Variants in CALN1 observed in about 807,000 individuals in gnomAD.
The protein encoded by CALN1 is calneuron 1.
Under a neutral mutation model 30.6 loss-of-function variants are expected in CALN1, and 17 were observed. That is an observed-to-expected ratio of 0.56 (90% CI 0.38 to 0.83). The LOEUF is 0.83. CALN1 is among the 40% of genes least tolerant of loss of function. CALN1 has a pLI of 0.00. For synonymous variants in CALN1, 156 were observed against 131.4 expected (o/e 1.19, Z -1.28); for missense variants, 291 against 354.9 (o/e 0.82, Z 1.45).
chr7:72,398,963 G>C (rs1806159466), intron 2 of CALN1, among the ~76,000 whole-genome samples: 1 of 152,148 alleles, frequency 6.6e-6, no homozygotes, highest in African/African-American at 2.4e-5. Context: ...TGTCCTTTCA[G>C]ACCTCCATGC....
chr7:71,965,121 G>A (rs1268815984), intron 5 of CALN1, among the ~76,000 whole-genome samples: 1 of 152,130 alleles, frequency 6.6e-6, no homozygotes, highest in African/African-American at 2.4e-5. Context: ...TCTACCTCTT[G>A]TGTTCAAGTC....
At chr7:72,173,030 T>C (rs976467964) in intron 3 of CALN1, among the ~76,000 whole-genome samples, 4 of 152,166 alleles carry the variant, frequency 2.6e-5, no homozygotes, top group Non-Finnish European at 4.4e-5. Flanking sequence ...AAATGATCTC[T>C]TATTTGCAGA....
At chr7:72,211,645 T>C (rs751828517) in intron 3 of CALN1, among the ~76,000 whole-genome samples, 1 of 152,346 alleles carries the variant, frequency 6.6e-6, no homozygotes, top group East Asian at 1.9e-4. Flanking sequence ...GAATGTTCTA[T>C]GAATGTTAGC....
chr7:72,018,657 C>T (rs2129529862), intron 5 of CALN1, among the ~76,000 whole-genome samples: 1 of 152,228 alleles, frequency 6.6e-6, no homozygotes, highest in African/African-American at 2.4e-5. Flanking sequence ...GCATTTGTAG[C>T]CAACTATATT....
At chr7:71,880,787 T>C (rs1226419673) in intron 5 of CALN1, among the ~76,000 whole-genome samples, 1 of 152,222 alleles carries the variant, frequency 6.6e-6, no homozygotes, top group Admixed American at 6.5e-5. Flanking sequence ...ATTCCACAGT[T>C]GCTCCAGTTA....
the CALN1 span, among the ~76,000 whole-genome samples, chr7:72,497,564 C>T: frequency 6.6e-6 from 1 of 152,204 alleles, no homozygotes; most frequent in Non-Finnish European, 1.5e-5. Flanking sequence ...GATTAGGAAG[C>T]ACATGCTAGG....
chr7:72,420,966 T>C (rs374843538), intron 1 of CALN1, among the ~76,000 whole-genome samples: 82 of 152,248 alleles, frequency 5.4e-4, no homozygotes, highest in African/African-American at 1.9e-3. Flanking sequence ...TAATAACTTC[T>C]TTCCTTTTGG....
chr7:72,306,857 C>T (rs1011596013), intron 2 of CALN1, among the ~76,000 whole-genome samples: 2 of 152,142 alleles, frequency 1.3e-5, no homozygotes, highest in South Asian at 2.1e-4. Context: ...TGTCTCGGGC[C>T]ATGGTCACTC....
the CALN1 span, among the ~76,000 whole-genome samples, chr7:72,487,717 G>GAAAAT: frequency 1.6e-5 from 1 of 64,358 alleles, no homozygotes; most frequent in African/African-American, 9.4e-5. Flanking sequence ...GAAAAGAAAA[G>GAAAAT]AAAGAAAGAA....
chr7:71,942,723 G>A lies in CALN1; in HGVS notation c.501+80934C>T, dbSNP rs78617847. ...AGATCTTAAAAGCATAATGTAGAAT[G>A]AAGAAGGTATGATATAGAAGGGTAT... On this transcript the variant is annotated intron_variant, in intron 5 of 6. Coordinates refer to ENST00000395275, the MANE Select transcript of CALN1 (RefSeq NM_031468.4). Among the ~76,000 whole-genome samples the A allele has an allele frequency of 2.4e-3, 358 of 152,256 alleles. 1 individual carries two copies. Among genetic ancestry groups the A allele is most frequent in the African/African-American group, 8.3e-3 (345 of 41,544 alleles).
chr7:71,852,460 G>C (rs1266530559), intron 5 of CALN1, among the ~76,000 whole-genome samples: 2 of 133,810 alleles, frequency 1.5e-5, no homozygotes, highest in Non-Finnish European at 3.0e-5. Flanking sequence ...ATTATAGTGA[G>C]ACCCTGTCTC....
chr7:72,357,034 C>T (rs1280200631), intron 2 of CALN1, among the ~76,000 whole-genome samples: 2 of 151,880 alleles, frequency 1.3e-5, no homozygotes, highest in East Asian at 1.9e-4. Flanking sequence ...GTTAACTGGA[C>T]ATTTTTTAAA....
intron 4 of CALN1, among the ~76,000 whole-genome samples, chr7:72,060,795 GCTCT>G (rs1322618729): frequency 3.3e-5 from 5 of 152,098 alleles, no homozygotes; most frequent in Non-Finnish European, 1.5e-5. Context: ...TGACACACCA[GCTCT>G]ACTTCCCTTC....
intron 3 of CALN1, among the ~76,000 whole-genome samples, chr7:72,196,143 C>A (rs560356122): frequency 6.6e-5 from 10 of 151,362 alleles, no homozygotes; most frequent in African/African-American, 2.2e-4. Context: ...GACAGGGTCT[C>A]GCTTTGTCAC....
intron 2 of CALN1, among the ~76,000 whole-genome samples, chr7:72,365,990 TATCCTAAA>T (rs1803856354): frequency 6.6e-6 from 1 of 152,138 alleles, no homozygotes; most frequent in Non-Finnish European, 1.5e-5. Context: ...TCTAAGTATT[TATCCTAAA>T]ATGATAATCA....
At chr7:71,996,124 G>A (rs1044401684) in intron 5 of CALN1, among the ~76,000 whole-genome samples, 1 of 152,066 alleles carries the variant, frequency 6.6e-6, no homozygotes, top group Non-Finnish European at 1.5e-5. Flanking sequence ...ACCATAGTCC[G>A]CAAAAGTATA....
intron 3 of CALN1, among the ~76,000 whole-genome samples, chr7:72,216,098 CAACT>C (rs1792788885): frequency 6.6e-6 from 1 of 152,024 alleles, no homozygotes; most frequent in African/African-American, 2.4e-5. Context: ...CAGAAAGACC[CAACT>C]AACAAACTTG....
chr7:71,936,975 C>G (rs1050785983), intron 5 of CALN1, among the ~76,000 whole-genome samples: 20 of 152,144 alleles, frequency 1.3e-4, no homozygotes, highest in Non-Finnish European at 2.6e-4. Flanking sequence ...AGCCATGATT[C>G]TGAGGCCTCC....
chr7:72,275,015 T>G (rs1231684435), intron 3 of CALN1, among the ~76,000 whole-genome samples: 1 of 152,068 alleles, frequency 6.6e-6, no homozygotes, highest in East Asian at 1.9e-4. Flanking sequence ...ATTCACGAAG[T>G]GCACACCTTT....
Sources: allele counts gnomAD v4.1 joint callset (sites outside exome capture counted in the v4.1 genomes callset), GRCh38; gene constraint gnomAD v4.1.1; transcripts MANE v1.5; gene names NCBI Gene and HGNC (gene_info 2026-07-23, HGNC 2026-07-21).